The following AKTIP variants were observed in gnomAD, a reference collection of about 807,000 sequenced individuals.
The protein encoded by AKTIP is AKT interacting protein.
Under a neutral mutation model 39.1 loss-of-function variants are expected in AKTIP, and 16 were observed. The ratio of observed to expected loss-of-function variants is 0.41; its 90% CI spans 0.28 to 0.62. The LOEUF is 0.62. AKTIP is among the 20% of genes least tolerant of loss of function. The pLI, the probability that AKTIP is intolerant of heterozygous loss-of-function variation, is 0.32. For synonymous variants in AKTIP, 93 were observed against 124.3 expected (o/e 0.75, Z 1.67); for missense variants, 262 against 356.6 (o/e 0.73, Z 2.14).
intron 1 of AKTIP, 78 bp from the exon 2 acceptor site, chr16:53,500,407 T>G: frequency 2.2e-6 from 2 of 897,924 alleles, no homozygotes; most frequent in Non-Finnish European, 3.2e-6. Flanking sequence ...AGATGGAGTC[T>G]CACTCTGTTG....
At chr16:53,497,243 C>T (rs1961893726) in intron 3 of AKTIP, among the ~76,000 whole-genome samples, 1 of 152,216 alleles carries the variant, frequency 6.6e-6, no homozygotes, top group African/African-American at 2.4e-5. Flanking sequence ...GTGTGCCAGG[C>T]ACCACAGGGT....
At chr16:53,500,108 T>C in intron 2 of AKTIP, 110 bp downstream of exon 2, 1 of 751,816 alleles carries the variant, frequency 1.3e-6, no homozygotes, top group Admixed American at 2.8e-5. Context: ...CCAGGTAATT[T>C]TGTCAAGATT....
chr16:53,498,265 T>G lies in AKTIP; in HGVS notation c.248+126A>C, dbSNP rs928965373. The G allele has an allele frequency of 4.1e-5, 40 of 974,302 alleles. No homozygotes were observed. The African/African-American group carries it at 6.5e-4, about 16-fold the overall frequency. The allele number at this position is 974,302 out of a possible 1,614,324, so 60.4% of individuals were successfully genotyped here. On this transcript the variant is annotated intron_variant, in intron 3 of 9. Coordinates refer to ENST00000394657, the MANE Select transcript of AKTIP (RefSeq NM_022476.4). ...GTTTTATATTTATTAAGTCTGATAC[T>G]GGAAAGGGACAGGTTTGAGCTTTGA...
At chr16:53,492,654 A>G (rs1473529173) in intron 9 of AKTIP, 39 bp downstream of exon 9, 12 of 1,610,118 alleles carry the variant, frequency 7.5e-6, no homozygotes, top group Non-Finnish European at 1.0e-5. Context: ...TAGAAAAGAA[A>G]CAATGAGTTA....
At chr16:53,494,936 A>G (rs1361104538) in intron 5 of AKTIP, 137 bp downstream of exon 5, 1 of 852,102 alleles carries the variant, frequency 1.2e-6, no homozygotes, top group Admixed American at 2.0e-5. Flanking sequence ...GCTGCAAAGC[A>G]CAGAAGTCCC....
Position 53,498,409 on chromosome 16 carries a change from T to C in AKTIP, c.230A>G (p.Tyr77Cys). The C allele has an allele frequency of 6.2e-7, 1 of 1,613,830 alleles. No homozygotes were observed. Among genetic ancestry groups the C allele is most frequent in the South Asian group, 1.1e-5 (1 of 91,070 alleles). The change falls in exon 3 of 10, where the codon TAC becomes TGC. Residue 77 changes from tyrosine to cysteine, a missense_variant. Tyr to Cys is a radical substitution (Grantham distance 194). Around this residue, in one of 4 missense-constraint regions of AKTIP, gnomAD observed 88 missense variants for 132.1 expected, o/e 0.67. Transcript: ENST00000394657. ...HASYGPFYLE[Y>C]SLLAEFTLVV... ...GACTTACAATTCTGCAAGAAGAGAGTATTCCAGGTAGAAGGGTCCATAGGA... is the reference window on the plus strand; with the variant it reads ...GACTTACAATTCTGCAAGAAGAGAGCATTCCAGGTAGAAGGGTCCATAGGA...
intron 1 of AKTIP, chr16:53,501,898 T>C (rs1962190183): frequency 6.6e-6 from 1 of 152,218 alleles, no homozygotes; most frequent in Non-Finnish European, 1.5e-5. Flanking sequence ...CTGAATATAC[T>C]TGAGATATCA....
In AKTIP at chr16:53,494,204, TCAA is replaced by T. The variant is rs1452029556; in HGVS notation, c.641_643del (p.Val214del). 2 of 1,614,192 alleles carry T rather than the reference TCAA, an allele frequency of 1.2e-6. No homozygotes were observed. Among genetic ancestry groups the T allele is most frequent in the Non-Finnish European group, 1.7e-6 (2 of 1,180,020 alleles). On this transcript the variant is annotated inframe_deletion, in exon 8 of 10. Coordinates refer to ENST00000394657, the MANE Select transcript of AKTIP (RefSeq NM_022476.4). ...ACGAGCAGTGCACACCTTAACACTG[TCAA>T]CAACTTTACTTTTAAAAAGCTGAAT...
At chr16:53,495,419 C>A in intron 3 of AKTIP, 93 bp from the exon 4 acceptor site, 1 of 1,194,780 alleles carries the variant, frequency 8.4e-7, no homozygotes. Flanking sequence ...ATGAACGGCC[C>A]CTCAATGGGC....
chr16:53,492,921 T>C, intron 8 of AKTIP, 168 bp from the exon 9 acceptor site: 1 of 613,550 alleles, frequency 1.6e-6, no homozygotes, highest in South Asian at 2.0e-5. Context: ...CTCACATAAC[T>C]ATCCCTCATA....
chr16:53,492,458 C>T lies in AKTIP; in HGVS notation c.833G>A (p.Gly278Asp). 1 of 1,613,392 alleles carries T rather than the reference C, an allele frequency of 6.2e-7. No homozygotes were observed. The highest frequency in any genetic ancestry group is 1.1e-5 in the South Asian group (1 of 91,046). ...TTCTTTACTGAAAGGCTGTACTGAG[C>T]CAGGCTTTACCCATGACAGGCCAGC... is the stretch of plus-strand genomic sequence containing the variant. ...HVAGLSWVKP[G>D]SVQPFSKEEK... is the part of the protein sequence containing the mutation. The change falls in exon 10 of 10, where the codon GGC becomes GAC. Residue 278 changes from glycine to aspartate, a missense_variant. Around this residue, in one of 4 missense-constraint regions of AKTIP, gnomAD observed 145 missense variants for 159.3 expected, o/e 0.91. Transcript: ENST00000394657.
intron 3 of AKTIP, among the ~76,000 whole-genome samples, chr16:53,496,513 T>C (rs1361860276): frequency 4.0e-5 from 6 of 151,060 alleles, no homozygotes; most frequent in East Asian, 1.9e-4. Flanking sequence ...TTTTTTTTTT[T>C]TTTTTGGTTT....
chr16:53,495,374 T>C (rs374967266), intron 3 of AKTIP, 48 bp from the exon 4 acceptor site: 74 of 1,586,176 alleles, frequency 4.7e-5, no homozygotes, highest in Non-Finnish European at 5.8e-5. Context: ...AAATGACACA[T>C]GCAGATCAAA....
At chr16:53,503,641 A>C (rs1962320872), upstream of AKTIP, among the ~76,000 whole-genome samples, 1 of 152,180 alleles carries the variant, frequency 6.6e-6, no homozygotes, top group Admixed American at 6.5e-5. Flanking sequence ...CGCCATGCGC[A>C]GGGGCTGGGG....
intron 3 of AKTIP, 139 bp from the exon 4 acceptor site, chr16:53,495,465 A>G: frequency 2.7e-6 from 2 of 742,714 alleles, no homozygotes; most frequent in Non-Finnish European, 4.5e-6. Flanking sequence ...AAGTTCTCAC[A>G]ATCTCTCACC....
Position 53,500,345 on chromosome 16 carries a change from G to A in AKTIP, c.-70-16C>T. The A allele has an allele frequency of 6.5e-7, 1 of 1,549,042 alleles. No homozygotes were observed. The highest frequency in any genetic ancestry group is 8.7e-7 in the Non-Finnish European group (1 of 1,147,468). ...TTCACTTTACCTTAAAACAAGACGG[G>A]AAGACATAGAAACATGCCAACACCA... On this transcript the variant is annotated splice_polypyrimidine_tract_variant and intron_variant, in intron 1 of 9. Coordinates refer to ENST00000394657, the MANE Select transcript of AKTIP (RefSeq NM_022476.4).
In AKTIP at chr16:53,492,726, A is replaced by G. The variant is rs1235325514; in HGVS notation, c.738T>C (p.His246=). 4 of 1,614,012 alleles carry G rather than the reference A, an allele frequency of 2.5e-6. No individual in the cohort carries two copies. In the African/African-American group the frequency reaches 5.3e-5, roughly 22 times the overall value. ...ISFSPWNPSV[H]DEAREKMLTQ... ...TCAGCATCTTTTCTCTGGCTTCATC[A>G]TGTACAGAAGGATTCCATGGAGAAA... The change falls in exon 9 of 10, where the codon CAT becomes CAC. Residue 246 remains histidine (H), a synonymous_variant. Coordinates refer to ENST00000394657, the MANE Select transcript of AKTIP (RefSeq NM_022476.4).
Position 53,492,760 on chromosome 16 carries a change from G to A in AKTIP, c.711-7C>T, listed in dbSNP as rs1380525526. On this transcript the variant is annotated splice_polypyrimidine_tract_variant and splice_region_variant and intron_variant, in intron 8 of 9. Coordinates refer to ENST00000394657, the MANE Select transcript of AKTIP (RefSeq NM_022476.4). ...AGGATTCCATGGAGAAAAGCTTAAG[G>A]AAGAGAAAAGTATTTAAAAACTATT... 3 of 1,612,258 alleles carry A rather than the reference G, an allele frequency of 1.9e-6. No homozygotes were observed. The highest frequency in any genetic ancestry group is 1.7e-5 in the Admixed American group (1 of 59,684).
In AKTIP at chr16:53,496,691, G is replaced by A. The variant is rs897448862; in HGVS notation, c.249-1365C>T. The stretch of plus-strand genomic sequence containing the variant: ...CTTACTAAAACTACAAAAATTAGCC[G>A]GGTGTGGTGGCGCACACCTGTAGTC... On this transcript the variant is annotated intron_variant, in intron 3 of 9. Coordinates refer to ENST00000394657, the MANE Select transcript of AKTIP (RefSeq NM_022476.4). Among the ~76,000 whole-genome samples, 7 of 151,870 alleles carry A rather than the reference G, an allele frequency of 4.6e-5. No homozygotes were observed. The East Asian group carries it at 7.7e-4, about 17-fold the overall frequency.
Sources: gnomAD v4.1 joint callset for allele counts (sites outside exome capture counted in the v4.1 genomes callset) on GRCh38, gnomAD v4.1.1 for gene constraint, gnomAD v4.1.1 regional missense constraint, MANE v1.5 for transcripts, NCBI Gene and HGNC (gene_info 2026-07-23, HGNC 2026-07-21) for gene names.